Variants in NOTCH2NLR observed in about 807,000 individuals in gnomAD.
The protein encoded by NOTCH2NLR is notch 2 N-terminal like R.
Under a neutral mutation model 35.6 loss-of-function variants are expected in NOTCH2NLR, and 33 were observed. The observed-to-expected ratio is 0.93, with a 90% CI of 0.70 to 1.24. NOTCH2NLR has a LOEUF of 1.24. Among genes scored for constraint, NOTCH2NLR ranks in the 50% most tolerant of loss-of-function variants. The pLI, the probability that NOTCH2NLR is intolerant of heterozygous loss-of-function variation, is 0.00. For missense variants in NOTCH2NLR, 276 were observed against 362.2 expected (o/e 0.76, Z 1.93); for synonymous variants, 103 against 141.0 (o/e 0.73, Z 1.91).
chr1:120,749,728 G>A lies in NOTCH2NLR; in HGVS notation c.74-13900G>A, dbSNP rs1398155031. ...AAAATTCTAAACAATTTCAGTCATA[G>A]GGTAGTTTTTTTTTTTTTTTCCTGG... On this transcript the variant is annotated intron_variant, in intron 1 of 4. Coordinates refer to ENST00000624419, the Ensembl canonical transcript of NOTCH2NLR. 8.3e-4 allele frequency among the ~76,000 whole-genome samples: 20 copies of A among 24,080 alleles called. 10 individuals carry two copies. In the African/African-American group the frequency reaches 0.013, roughly 16 times the overall value. 15.8% of individuals were successfully genotyped at this position (24,080 alleles called of 152,430 possible).
intron 1 of NOTCH2NLR, among the ~76,000 whole-genome samples, chr1:120,754,409 T>G (rs1205076803): frequency 2.9e-5 from 2 of 70,062 alleles, no homozygotes; most frequent in Admixed American, 2.8e-4. Flanking sequence ...TTGTAGAGAA[T>G]AATTAAATTT....
intron 2 of NOTCH2NLR, 129 bp from the exon 3 acceptor site, chr1:120,784,845 T>C (rs1651403532): frequency 2.9e-6 from 3 of 1,018,230 alleles, no homozygotes; most frequent in Non-Finnish European, 4.2e-6. Flanking sequence ...AGCAGTTTTA[T>C]AGGTGGTACT....
chr1:120,728,935 T>G (rs1650845860), intron 1 of NOTCH2NLR, among the ~76,000 whole-genome samples: 1 of 112,590 alleles, frequency 8.9e-6, no homozygotes, highest in Non-Finnish European at 1.7e-5. Flanking sequence ...CCACATGATT[T>G]TGATCCTTGA....
chr1:120,785,314 G>A, intron 3 of NOTCH2NLR, 81 bp downstream of exon 3: 1 of 1,048,808 alleles, frequency 9.5e-7, no homozygotes, highest in South Asian at 1.4e-5. Context: ...ATGGTGTCTG[G>A]CTCTTAAATG....
rs1651412246 is a variant in NOTCH2NLR, at chr1:120,785,214, C to A, written c.396C>A (p.Thr132=). 2.8e-6 allele frequency: 4 copies of A among 1,445,444 alleles called. 1 individual carries two copies. The highest frequency in any genetic ancestry group is 2.8e-6 in the Non-Finnish European group (3 of 1,081,596). 89.5% of individuals were successfully genotyped at this position (1,445,444 alleles called of 1,614,324 possible). A position where few individuals can be genotyped will look rare whatever the true frequency, so the allele number is the denominator to read the frequency against. Residue 132 remains threonine (T), a synonymous_variant, in exon 3 of 5, where the codon ACC becomes ACA. Transcript: ENST00000624419. ...TCAGCCGGGATACCTATGAGTGCACCTGTCAAGTCGGGTTTACAGGTAACT... is the reference window on the plus strand; with the variant it reads ...TCAGCCGGGATACCTATGAGTGCACATGTCAAGTCGGGTTTACAGGTAACT...
intron 1 of NOTCH2NLR, among the ~76,000 whole-genome samples, chr1:120,752,560 T>A (rs1296931427): frequency 3.6e-3 from 70 of 19,538 alleles, no homozygotes; most frequent in African/African-American, 0.022. Flanking sequence ...ATATATTTTT[T>A]TTTTTTTTTT....
intron 1 of NOTCH2NLR, among the ~76,000 whole-genome samples, chr1:120,737,709 A>G (rs1650920640): frequency 8.1e-6 from 1 of 124,218 alleles, no homozygotes; most frequent in African/African-American, 3.9e-5. Context: ...AGTTGAGACA[A>G]CTCGGCAGGT....
rs1252933573 is a variant in NOTCH2NLR at position 120,747,236 on chromosome 1, A to T, written c.74-16392A>T. ...TGGCCCTTGGTCAGATGGCTAGAAG[A>T]TAGAGAGCCAGGCATAGAACCCAGA... On this transcript the variant is annotated intron_variant, in intron 1 of 4. Coordinates refer to ENST00000624419, the Ensembl canonical transcript of NOTCH2NLR. Among the ~76,000 whole-genome samples the T allele has an allele frequency of 1.6e-3, 48 of 29,370 alleles. 22 individuals are homozygous for T. Among genetic ancestry groups the T allele is most frequent in the Non-Finnish European group, 4.2e-4 (7 of 16,582 alleles). 19.3% of individuals were successfully genotyped at this position (29,370 alleles called of 152,430 possible). A position where few individuals can be genotyped will look rare whatever the true frequency, so the allele number is the denominator to read the frequency against.
At chr1:120,777,910 A>G (rs1651316451) in intron 2 of NOTCH2NLR, among the ~76,000 whole-genome samples, 1 of 99,160 alleles carries the variant, frequency 1.0e-5, no homozygotes, top group East Asian at 2.6e-4. Flanking sequence ...GTGAGTTTAG[A>G]CCAATAGGTG....
chr1:120,745,318 A>G (rs1388273469), intron 1 of NOTCH2NLR, among the ~76,000 whole-genome samples: 910 of 80,192 alleles, frequency 0.011, 127 homozygotes, highest in Non-Finnish European at 0.015. Flanking sequence ...AGTATCACAT[A>G]GTATGGACAA....
In NOTCH2NLR at chr1:120,793,379, G is replaced by T. The variant is rs1651515446; in HGVS notation, c.634G>T (p.Gly212Cys). 7 of 1,434,718 alleles carry T rather than the reference G, an allele frequency of 4.9e-6. 3 individuals are homozygous for T. Among genetic ancestry groups the T allele is most frequent in the Non-Finnish European group, 6.5e-6 (7 of 1,073,086 alleles). The allele number at this position is 1,434,718 out of a possible 1,614,324, so 88.9% of individuals were successfully genotyped here. The change falls in exon 4 of 5, where the codon GGC becomes TGC. Residue 212 changes from glycine to cysteine, a missense_variant. Transcript: ENST00000624419. ...TTCCTACCAGTGCCAGTGCCTTCAG[G>T]GCTTCACAGGCCAGTACTGTGACAG...
At chr1:120,784,250 A>G (rs1651397529) in intron 2 of NOTCH2NLR, among the ~76,000 whole-genome samples, 1 of 118,798 alleles carries the variant, frequency 8.4e-6, no homozygotes, top group African/African-American at 4.8e-5. Context: ...ACATAAAGCA[A>G]ATATATGGTT....
In NOTCH2NLR at chr1:120,759,795, T is replaced by C. The variant is rs1448053127; in HGVS notation, c.74-3833T>C. On this transcript the variant is annotated intron_variant, in intron 1 of 4. Transcript: ENST00000624419. ...AATACAATGTAGAACAATTAAAAGG[T>C]AGTGTATCCTTCATCTCAAATATTT... Among the ~76,000 whole-genome samples the C allele has an allele frequency of 2.3e-4, 27 of 116,692 alleles. 6 individuals carry two copies. In the South Asian group the frequency reaches 6.6e-3, roughly 29 times the overall value. 76.6% of individuals were successfully genotyped at this position (116,692 alleles called of 152,430 possible).
In NOTCH2NLR at chr1:120,764,275, A is replaced by T. The variant is rs1159944665; in HGVS notation, c.155+566A>T. Among the ~76,000 whole-genome samples the T allele has an allele frequency of 2.9e-4, 31 of 107,786 alleles. 10 individuals carry two copies. The highest frequency in any genetic ancestry group is 4.4e-4 in the Admixed American group (5 of 11,258). The allele number at this position is 107,786 out of a possible 152,430, so 70.7% of individuals were successfully genotyped here. A position where few individuals can be genotyped will look rare whatever the true frequency, so the allele number is the denominator to read the frequency against. ...AAGAAATAAAAAAAATATATAAAAAAATATATATTAGATTCCCTTGTGTTT... is the reference window on the plus strand; with the variant it reads ...AAGAAATAAAAAAAATATATAAAAATATATATATTAGATTCCCTTGTGTTT... On this transcript the variant is annotated intron_variant, in intron 2 of 4. Coordinates refer to ENST00000624419, the Ensembl canonical transcript of NOTCH2NLR.
chr1:120,785,075 G>A, exon 3 of NOTCH2NLR: 1 of 1,446,066 alleles, frequency 6.9e-7, no homozygotes, highest in South Asian at 1.2e-5. Context: ...GCCATGCTGG[G>A]GAAAGCCACG....
intron 2 of NOTCH2NLR, among the ~76,000 whole-genome samples, chr1:120,765,808 G>C (rs1461076180): frequency 7.8e-6 from 1 of 128,102 alleles, no homozygotes; most frequent in East Asian, 2.0e-4. Flanking sequence ...CCATAAAAAA[G>C]AATGAGTTCA....
chr1:120,794,169 A>G (rs1297596906), downstream of NOTCH2NLR, among the ~76,000 whole-genome samples: 5,511 of 115,796 alleles, frequency 0.048, 1,326 homozygotes, highest in Non-Finnish European at 0.063. Flanking sequence ...ATACTTTGTT[A>G]CACTCTTCAC....
rs1571030599 is a variant in NOTCH2NLR at position 120,793,541 on chromosome 1, G to A, written c.751+45G>A. On this transcript the variant is annotated intron_variant, in intron 4 of 4. Transcript: ENST00000624419. Reference sequence around the variant, plus strand: ...CCCAGGATTAGGGGACAAACCCCTAGCACAGGAGGTAGTGGGTGTGGCTCA... The same window carrying A: ...CCCAGGATTAGGGGACAAACCCCTAACACAGGAGGTAGTGGGTGTGGCTCA... 9 of 1,104,534 alleles carry A rather than the reference G, an allele frequency of 8.1e-6. 1 individual carries two copies. In the East Asian group the frequency reaches 2.2e-4, roughly 27 times the overall value. 68.4% of individuals were successfully genotyped at this position (1,104,534 alleles called of 1,614,324 possible).
intron 2 of NOTCH2NLR, among the ~76,000 whole-genome samples, chr1:120,769,328 C>T (rs1651234267): frequency 6.6e-6 from 1 of 151,028 alleles, no homozygotes; most frequent in African/African-American, 2.5e-5. Context: ...TTTCCTTCAC[C>T]TTCTTGTGAG....
Sources: allele counts gnomAD v4.1 joint callset (sites outside exome capture counted in the v4.1 genomes callset), GRCh38; gene constraint gnomAD v4.1.1; transcripts MANE v1.5; gene names NCBI Gene and HGNC (gene_info 2026-07-23, HGNC 2026-07-21).